CDH13: variants seen among roughly 807,000 people sequenced by gnomAD.
CDH13 encodes the protein cadherin-13.
CDH13 carries 24 observed loss-of-function variants against 63.8 expected under a neutral mutation model. That is an observed-to-expected ratio of 0.38 (90% confidence interval 0.27 to 0.53). CDH13 has a LOEUF of 0.53. CDH13 is among the 20% of genes least tolerant of loss of function. The pLI is 0.85. For synonymous variants in CDH13, 503 were observed against 355.3 expected (o/e 1.42, Z -4.67); for missense variants, 1,049 against 903.1 (o/e 1.16, Z -2.07).
intron 7 of CDH13, among the ~76,000 whole-genome samples, chr16:83,533,679 G>C (rs2075130208): frequency 7.0e-6 from 1 of 142,604 alleles, no homozygotes; most frequent in African/African-American, 2.6e-5. Context: ...GGAGTGCAGT[G>C]GCACGATCTC....
At chr16:82,915,142 A>G (rs1057078199) in intron 2 of CDH13, among the ~76,000 whole-genome samples, 5 of 152,228 alleles carry the variant, frequency 3.3e-5, no homozygotes, top group African/African-American at 1.2e-4. Context: ...TCTCTGCAAA[A>G]TGGTCTAATT....
At chr16:83,450,912 C>G (rs1035983134) in intron 6 of CDH13, among the ~76,000 whole-genome samples, 1 of 152,052 alleles carries the variant, frequency 6.6e-6, no homozygotes, top group African/African-American at 2.4e-5. Context: ...TGATGTAAAA[C>G]AGTAGTTCTC....
At chr16:83,653,067 C>T (rs962900485) in intron 8 of CDH13, among the ~76,000 whole-genome samples, 2 of 152,074 alleles carry the variant, frequency 1.3e-5, no homozygotes, top group African/African-American at 4.8e-5. Context: ...ATATATTGCG[C>T]AATTCCATTT....
At chr16:83,331,150 C>G (rs376951831) in intron 5 of CDH13, among the ~76,000 whole-genome samples, 4 of 152,138 alleles carry the variant, frequency 2.6e-5, no homozygotes, top group Non-Finnish European at 4.4e-5. Flanking sequence ...CCTTAAAGTA[C>G]AGTCTCCCTG....
intron 2 of CDH13, among the ~76,000 whole-genome samples, chr16:82,905,428 C>T (rs2041610394): frequency 7.5e-6 from 1 of 133,194 alleles, no homozygotes; most frequent in African/African-American, 3.0e-5. Flanking sequence ...TACCATGAAT[C>T]ACACGTGTGT....
chr16:83,689,844 G>A (rs1904669811), intron 10 of CDH13, among the ~76,000 whole-genome samples: 1 of 152,164 alleles, frequency 6.6e-6, no homozygotes, highest in Admixed American at 6.5e-5. Flanking sequence ...GCAACATACT[G>A]GGTGCTTTTC....
chr16:82,836,131 T>G (rs2038756375), intron 1 of CDH13, among the ~76,000 whole-genome samples: 1 of 152,136 alleles, frequency 6.6e-6, no homozygotes, highest in South Asian at 2.1e-4. Flanking sequence ...TGTTTGCTTG[T>G]TTTTGTTTTT....
rs532506326 is a variant in CDH13, at chr16:82,796,359, C to T, written c.46-62003C>T. On this transcript the variant is annotated intron_variant, in intron 1 of 13. Transcript: ENST00000567109. ...CTTCTCTTCCATTTAGAACCACCTT[C>T]AACATCTCCCCAGGGTACATTCCCT... is the stretch of plus-strand genomic sequence containing the variant. 2.6e-5 allele frequency among the ~76,000 whole-genome samples: 4 copies of T among 152,294 alleles called. No homozygotes were observed. The South Asian group carries it at 8.3e-4, about 32-fold the overall frequency.
At chr16:82,648,768 A>G (rs530741209) in intron 1 of CDH13, among the ~76,000 whole-genome samples, 6 of 152,236 alleles carry the variant, frequency 3.9e-5, no homozygotes, top group Non-Finnish European at 7.3e-5. Context: ...GTACAAGAAG[A>G]AAAAACCTTC....
intron 1 of CDH13, among the ~76,000 whole-genome samples, chr16:82,659,434 C>T (rs1245570831): frequency 1.3e-5 from 2 of 152,196 alleles, no homozygotes; most frequent in African/African-American, 2.4e-5. Flanking sequence ...GCACTGTCTG[C>T]ATGTACTTGG....
At chr16:83,769,238 G>C (rs149951024) in intron 11 of CDH13, among the ~76,000 whole-genome samples, 48 of 152,284 alleles carry the variant, frequency 3.2e-4, no homozygotes, top group African/African-American at 1.1e-3. Flanking sequence ...GGGGAGGTGT[G>C]TCTGAAAAAC....
At chr16:83,034,810 G>A (rs142507555) in intron 3 of CDH13, among the ~76,000 whole-genome samples, 49 of 152,270 alleles carry the variant, frequency 3.2e-4, no homozygotes, top group African/African-American at 1.0e-3. Flanking sequence ...ACTCAGCCAC[G>A]CATTGTTTGT....
chr16:83,677,833 C>T (rs771910878), intron 9 of CDH13, among the ~76,000 whole-genome samples: 16 of 152,044 alleles, frequency 1.1e-4, no homozygotes, highest in Non-Finnish European at 2.1e-4. Context: ...CTTTAGGCAT[C>T]ACCATTGCCA....
chr16:83,337,681 G>A (rs1395243012), intron 5 of CDH13, among the ~76,000 whole-genome samples: 1 of 121,692 alleles, frequency 8.2e-6, no homozygotes, highest in Non-Finnish European at 1.6e-5. Flanking sequence ...TGTCATGGAA[G>A]GAACTATGTG....
intron 6 of CDH13, among the ~76,000 whole-genome samples, chr16:83,368,742 C>T (rs569647214): frequency 6.6e-6 from 1 of 151,280 alleles, no homozygotes; most frequent in Non-Finnish European, 1.5e-5. Flanking sequence ...TAGCTTAGCT[C>T]CTACAGGTGA....
At chr16:82,865,745 A>G (rs1266674856) in intron 2 of CDH13, among the ~76,000 whole-genome samples, 3 of 152,148 alleles carry the variant, frequency 2.0e-5, no homozygotes, top group African/African-American at 4.8e-5. Context: ...GGCGATTAAC[A>G]TTTGGCTCCT....
At position 83,577,310 on chromosome 16, in the gene CDH13, A is replaced by G. The variant is rs530101174; in HGVS notation, c.961-25144A>G. On this transcript the variant is annotated intron_variant, in intron 7 of 13. Transcript: ENST00000567109. The stretch of plus-strand genomic sequence containing the variant: ...CACATTGAAGGAAGAAGAGAGGAAT[A>G]GGAGAAGATGAGGTTTCCCAGCACG... 3.0e-3 allele frequency among the ~76,000 whole-genome samples: 455 copies of G among 152,354 alleles called. 2 individuals carry two copies. Among genetic ancestry groups the G allele is most frequent in the African/African-American group, 0.01 (435 of 41,580 alleles).
intron 1 of CDH13, among the ~76,000 whole-genome samples, chr16:82,629,696 T>G (rs1178377182): frequency 1.3e-5 from 2 of 152,210 alleles, no homozygotes; most frequent in Non-Finnish European, 2.9e-5. Flanking sequence ...TGGTTGTTGT[T>G]TTAGGCATTT....
At chr16:82,670,362 C>T (rs907031583) in intron 1 of CDH13, among the ~76,000 whole-genome samples, 24 of 152,222 alleles carry the variant, frequency 1.6e-4, no homozygotes, top group African/African-American at 5.8e-4. Flanking sequence ...TCTTCCTTCT[C>T]TCCACCTTCC....
Sources: gnomAD v4.1 joint callset for allele counts (sites outside exome capture counted in the v4.1 genomes callset) on GRCh38, gnomAD v4.1.1 for gene constraint, MANE v1.5 for transcripts, NCBI Gene and HGNC (gene_info 2026-07-23, HGNC 2026-07-21) for gene names.